Variants in DNAJB1 observed in about 807,000 individuals in gnomAD.
DNAJB1 encodes dnaJ homolog subfamily B member 1.
DNAJB1 carries 14 observed loss-of-function variants against 24.0 expected under a neutral mutation model. The observed-to-expected ratio is 0.58, with a 90% CI of 0.39 to 0.91. DNAJB1 has a LOEUF of 0.91. DNAJB1 is among the 40% of genes least tolerant of loss of function. The pLI is 0.00. For missense variants in DNAJB1, 517 were observed against 458.1 expected (o/e 1.13, Z -1.17); for synonymous variants, 262 against 174.4 (o/e 1.50, Z -3.96).
chr19:14,517,198 A>C (rs1329079279), intron 1 of DNAJB1, 152 bp from the exon 2 acceptor site: 6 of 704,800 alleles, frequency 8.5e-6, no homozygotes, highest in Non-Finnish European at 1.4e-5. Flanking sequence ...TCTACCTCTC[A>C]CTGCCAACAG....
At chr19:14,530,870 C>T (rs1339448543), upstream of DNAJB1, 1 of 152,198 alleles carries the variant, frequency 6.6e-6, no homozygotes, top group East Asian at 1.9e-4. Flanking sequence ...ACCATCACCA[C>T]CACCCATCTC....
At chr19:14,523,933 A>G (rs2072389984) in intron 2 of DNAJB1, among the ~76,000 whole-genome samples, 1 of 152,162 alleles carries the variant, frequency 6.6e-6, no homozygotes, top group Non-Finnish European at 1.5e-5. Context: ...CTATAATAAC[A>G]TCTAACACTG....
intron 1 of DNAJB1, among the ~76,000 whole-genome samples, chr19:14,535,100 C>T (rs998460035): frequency 6.6e-6 from 1 of 152,096 alleles, no homozygotes; most frequent in Non-Finnish European, 1.5e-5. Context: ...TGCCTGGGTG[C>T]AGTGGTTCAT....
upstream of DNAJB1, among the ~76,000 whole-genome samples, chr19:14,553,037 G>C (rs960687339): frequency 5.3e-5 from 8 of 152,056 alleles, no homozygotes; most frequent in Non-Finnish European, 2.9e-5. Context: ...CTGAGAATGG[G>C]GGGCAGGCCC....
upstream of DNAJB1, among the ~76,000 whole-genome samples, chr19:14,519,014 C>T (rs2072331643): frequency 6.6e-6 from 1 of 152,226 alleles, no homozygotes; most frequent in African/African-American, 2.4e-5. Context: ...AGGAGGATCT[C>T]TTGAGCCTAG....
intron 1 of DNAJB1, among the ~76,000 whole-genome samples, chr19:14,540,063 ATT>A (rs577605678): frequency 1.7e-5 from 2 of 116,424 alleles, no homozygotes; most frequent in African/African-American, 3.5e-5. Context: ...AATTTATTTA[ATT>A]TTTTTTTTTT....
At chr19:14,534,942 C>T (rs956391745) in intron 1 of DNAJB1, among the ~76,000 whole-genome samples, 8 of 152,274 alleles carry the variant, frequency 5.3e-5, no homozygotes, top group African/African-American at 1.7e-4. Context: ...GCTGGTGGCT[C>T]TCCTGCTGTG....
intron 1 of DNAJB1, among the ~76,000 whole-genome samples, chr19:14,548,337 C>A (rs148674874): frequency 6.6e-6 from 1 of 152,140 alleles, no homozygotes; most frequent in East Asian, 1.9e-4. Flanking sequence ...TTCCCCACCC[C>A]CTTGGTGGCA....
At chr19:14,535,696 G>T (rs1391654389) in intron 1 of DNAJB1, among the ~76,000 whole-genome samples, 10 of 137,316 alleles carry the variant, frequency 7.3e-5, no homozygotes, top group African/African-American at 2.8e-4. Context: ...TGGAGGTCGC[G>T]GACGAGCTGA....
intron 1 of DNAJB1, among the ~76,000 whole-genome samples, chr19:14,549,414 T>C (rs1305930281): frequency 6.6e-6 from 1 of 151,826 alleles, no homozygotes; most frequent in East Asian, 1.9e-4. Context: ...GGTTTCACCA[T>C]ATTGGCCAGG....
At chr19:14,534,496 T>G (rs1439831658), upstream of DNAJB1, among the ~76,000 whole-genome samples, 1 of 134,564 alleles carries the variant, frequency 7.4e-6, no homozygotes, top group Non-Finnish European at 1.5e-5. Flanking sequence ...AGTGCAGTGA[T>G]GTGATCTCAC....
At chr19:14,550,241 T>C (rs1279782324) in exon 1 of DNAJB1, among the ~76,000 whole-genome samples, 2 of 151,990 alleles carry the variant, frequency 1.3e-5, no homozygotes, top group African/African-American at 4.8e-5. Context: ...GTAAAGGAGA[T>C]GATTCGTGTT....
intron 1 of DNAJB1, among the ~76,000 whole-genome samples, chr19:14,547,901 C>T (rs181292918): frequency 1.1e-4 from 17 of 151,300 alleles, no homozygotes; most frequent in Admixed American, 1.1e-3. Flanking sequence ...GTCTTGGACT[C>T]TGGGCCTCGA....
At chr19:14,559,814 A>G (rs2073850635) in intron 1 of DNAJB1, among the ~76,000 whole-genome samples, 1 of 150,976 alleles carries the variant, frequency 6.6e-6, no homozygotes, top group Non-Finnish European at 1.5e-5. Flanking sequence ...ATAGAGACAC[A>G]GGGAATTGCA....
At chr19:14,530,150 T>G, upstream of DNAJB1, 1 of 203,372 alleles carries the variant, frequency 4.9e-6, no homozygotes, top group Non-Finnish European at 1.0e-5. Context: ...TTTGGACCCC[T>G]TCCCTCGCCC....
At position 14,515,755 on chromosome 19, in the gene DNAJB1, C is replaced by A; in HGVS notation, c.*185G>T. ...TCCCACCACCTGATGCCCTATAGCT[C>A]GAAAAACCACTGAAGTCTAGTGTGC... On this transcript the variant is annotated 3_prime_UTR_variant, in exon 3 of 3. Coordinates refer to ENST00000254322, the MANE Select transcript of DNAJB1 (RefSeq NM_006145.3). 1.7e-6 allele frequency: 1 copy of A among 600,468 alleles called. No individual in the cohort carries two copies. Among genetic ancestry groups the A allele is most frequent in the Non-Finnish European group, 2.8e-6 (1 of 355,222 alleles). 37.2% of individuals were successfully genotyped at this position (600,468 alleles called of 1,614,324 possible).
chr19:14,540,214 C>T (rs1377375260), intron 1 of DNAJB1, among the ~76,000 whole-genome samples: 2 of 151,918 alleles, frequency 1.3e-5, no homozygotes, highest in African/African-American at 4.8e-5. Flanking sequence ...CACCCACCAC[C>T]ACGCCTGGCT....
At chr19:14,529,776 A>G (rs2072546541), upstream of DNAJB1, 16 of 1,609,882 alleles carry the variant, frequency 9.9e-6, no homozygotes, top group East Asian at 3.6e-4. Flanking sequence ...TCTTTGCGGG[A>G]CCACGGGACC....
rs2072231262 is a variant in DNAJB1 at position 14,515,008 on chromosome 19, A to C, written c.*932T>G. ...CAGGTTTTGAGTGTACACCAACTATACATGGAATTATAAAAACATATTTAC... is the reference window on the plus strand; with the variant it reads ...CAGGTTTTGAGTGTACACCAACTATCCATGGAATTATAAAAACATATTTAC... On this transcript the variant is annotated 3_prime_UTR_variant, in exon 3 of 3. Coordinates refer to ENST00000254322, the MANE Select transcript of DNAJB1 (RefSeq NM_006145.3). The C allele has an allele frequency of 6.6e-6, 1 of 152,542 alleles. No individual in the cohort carries two copies. The highest frequency in any genetic ancestry group is 1.5e-5 in the Non-Finnish European group (1 of 68,036). The allele number at this position is 152,542 out of a possible 1,614,324, so 9.4% of individuals were successfully genotyped here. A position where few individuals can be genotyped will look rare whatever the true frequency, so the allele number is the denominator to read the frequency against.
Sources: gnomAD v4.1 joint callset for allele counts (sites outside exome capture counted in the v4.1 genomes callset) on GRCh38, gnomAD v4.1.1 for gene constraint, MANE v1.5 for transcripts, NCBI Gene and HGNC (gene_info 2026-07-23, HGNC 2026-07-21) for gene names.